The following HECW2 variants were observed in gnomAD, a reference collection of about 807,000 sequenced individuals.
The protein encoded by HECW2 is HECT, C2 and WW domain containing E3 ubiquitin protein ligase 2.
HECW2 carries 61 observed loss-of-function variants against 175.2 expected under a neutral mutation model. The ratio of observed to expected loss-of-function variants is 0.35; its 90% CI spans 0.28 to 0.43. The LOEUF (loss-of-function observed/expected upper bound fraction) is 0.43, where lower values mean the gene tolerates loss of function less well. Ranked by LOEUF, HECW2 falls within the 20% of genes least tolerant of loss-of-function variation. The pLI, the probability that HECW2 is intolerant of heterozygous loss-of-function variation, is 1.00. For missense variants in HECW2, 1,524 were observed against 2,000.5 expected, an observed-to-expected ratio of 0.76 and a Z score of 4.54; for synonymous variants, 671 against 731.0, an observed-to-expected ratio of 0.92 and a Z score of 1.32.
At chr2:196,472,381 G>A (rs983127922) in intron 1 of HECW2, among the ~76,000 whole-genome samples, 6 of 150,898 alleles carry the variant, frequency 4.0e-5, no homozygotes, top group Non-Finnish European at 4.4e-5. Context: ...CCAGCTACTC[G>A]AGAGGCTGAG....
At chr2:196,413,235 G>C (rs1695163889) in intron 2 of HECW2, among the ~76,000 whole-genome samples, 1 of 152,174 alleles carries the variant, frequency 6.6e-6, no homozygotes, top group Admixed American at 6.5e-5. Flanking sequence ...ACTGCCTGCA[G>C]TCCCAGCCAC....
chr2:196,560,575 T>C (rs1689963424), intron 1 of HECW2, among the ~76,000 whole-genome samples: 1 of 152,214 alleles, frequency 6.6e-6, no homozygotes, highest in African/African-American at 2.4e-5. Flanking sequence ...ATATATATTT[T>C]ACCAGTTCAG....
At chr2:196,428,205 ATC>A (rs1287131026) in intron 2 of HECW2, among the ~76,000 whole-genome samples, 3 of 152,202 alleles carry the variant, frequency 2.0e-5, no homozygotes, top group Non-Finnish European at 4.4e-5. Flanking sequence ...TATAGAGACC[ATC>A]TCTCTGTTCC....
chr2:196,376,997 G>C (rs1307511679), intron 2 of HECW2, among the ~76,000 whole-genome samples: 1 of 151,964 alleles, frequency 6.6e-6, no homozygotes, highest in Non-Finnish European at 1.5e-5. Flanking sequence ...CATTCCTTGG[G>C]GGAAAAAACA....
In HECW2 at chr2:196,199,802, G is replaced by T. The variant is rs948733802; in HGVS notation, c.*1475C>A. 1 of 152,108 alleles carries T rather than the reference G, an allele frequency of 6.6e-6. No homozygotes were observed. The highest frequency in any genetic ancestry group is 1.5e-5 in the Non-Finnish European group (1 of 68,004). 9.4% of individuals were successfully genotyped at this position (152,108 alleles called of 1,614,324 possible). On this transcript the variant is annotated 3_prime_UTR_variant, in exon 29 of 29. Transcript: ENST00000644978. ...TACCTTCTCATAAAATTAAGCAGAA[G>T]TAAGACTAGTGATGTCATGCAGTTT...
chr2:196,246,530 G>A (rs550166682), intron 19 of HECW2, among the ~76,000 whole-genome samples: 13 of 151,846 alleles, frequency 8.6e-5, no homozygotes, highest in South Asian at 2.1e-4. Context: ...GACTACAGGC[G>A]TCTGCCACCA....
At chr2:196,377,479 T>C (rs1694083098) in intron 2 of HECW2, among the ~76,000 whole-genome samples, 1 of 152,160 alleles carries the variant, frequency 6.6e-6, no homozygotes, top group East Asian at 1.9e-4. Flanking sequence ...TCTTACATGG[T>C]AGCAGGCAAG....
chr2:196,272,990 AT>A (rs778660225), intron 16 of HECW2, among the ~76,000 whole-genome samples: 15 of 144,620 alleles, frequency 1.0e-4, no homozygotes, highest in Admixed American at 1.4e-4. Flanking sequence ...ATTTCATGAC[AT>A]TTTTTTTTTA....
intron 2 of HECW2, among the ~76,000 whole-genome samples, chr2:196,416,026 T>G (rs1204407236): frequency 6.6e-6 from 1 of 152,254 alleles, no homozygotes; most frequent in Non-Finnish European, 1.5e-5. Flanking sequence ...TATTTGAATT[T>G]TATTTCTTCG....
rs1440630211 is a variant in HECW2 at position 196,535,057 on chromosome 2, A to C, written c.-36+58451T>G. Among the ~76,000 whole-genome samples the C allele has an allele frequency of 2.0e-5, 3 of 152,234 alleles. No homozygotes were observed. In the East Asian group the frequency reaches 5.8e-4, roughly 29 times the overall value. Reference sequence around the variant, plus strand: ...AACAAATTGTCAATATAACAAAAAAAAAAAAACAAAAAACCCACTCTCCTT... The same window carrying C: ...AACAAATTGTCAATATAACAAAAAACAAAAAACAAAAAACCCACTCTCCTT... On this transcript the variant is annotated intron_variant, in intron 1 of 28. Coordinates refer to ENST00000644978, the MANE Select transcript of HECW2 (RefSeq NM_001348768.2).
intron 13 of HECW2, among the ~76,000 whole-genome samples, chr2:196,304,984 T>G (rs948542431): frequency 6.6e-6 from 1 of 152,250 alleles, no homozygotes; most frequent in Non-Finnish European, 1.5e-5. Context: ...ATCTTGTTTC[T>G]GGGACAAGCT....
At chr2:196,398,613 C>T (rs17831149) in intron 2 of HECW2, among the ~76,000 whole-genome samples, 9,363 of 152,248 alleles carry the variant, frequency 0.061, 389 homozygotes, top group South Asian at 0.099. Flanking sequence ...CTCTGGCTTT[C>T]GGTCCAAGGT....
At chr2:196,398,942 T>C (rs1694743750) in intron 2 of HECW2, among the ~76,000 whole-genome samples, 1 of 152,148 alleles carries the variant, frequency 6.6e-6, no homozygotes. Flanking sequence ...ATTTCACCAC[T>C]GCACTCCAGC....
chr2:196,223,691 A>G (rs990656374), intron 23 of HECW2, among the ~76,000 whole-genome samples: 5 of 152,208 alleles, frequency 3.3e-5, no homozygotes, highest in Non-Finnish European at 7.3e-5. Flanking sequence ...AATGTGAATT[A>G]TAAACAGCTC....
chr2:196,488,878 T>C (rs1420839496), intron 1 of HECW2, among the ~76,000 whole-genome samples: 1 of 152,120 alleles, frequency 6.6e-6, no homozygotes, highest in African/African-American at 2.4e-5. Context: ...AGCACAAAAC[T>C]CAGTGCCTAC....
At chr2:196,571,509 G>C (rs1372039658) in intron 1 of HECW2, among the ~76,000 whole-genome samples, 1 of 152,104 alleles carries the variant, frequency 6.6e-6, no homozygotes, top group South Asian at 2.1e-4. Context: ...AGGAGTTTGA[G>C]ACCAGCCTGG....
chr2:196,362,778 A>G (rs550752604), intron 2 of HECW2, among the ~76,000 whole-genome samples: 1 of 152,258 alleles, frequency 6.6e-6, no homozygotes, highest in South Asian at 2.1e-4. Context: ...CAGATCCACC[A>G]TTCTTTAATG....
intron 1 of HECW2, among the ~76,000 whole-genome samples, chr2:196,482,055 T>C (rs1686860047): frequency 6.6e-6 from 1 of 152,180 alleles, no homozygotes. Flanking sequence ...CTGAAAAAAA[T>C]AGGATGAAAG....
At chr2:196,284,476 G>C (rs1268872910) in intron 14 of HECW2, among the ~76,000 whole-genome samples, 1 of 152,216 alleles carries the variant, frequency 6.6e-6, no homozygotes, top group Non-Finnish European at 1.5e-5. Context: ...CAATCCCTTG[G>C]TGTGAGTTTT....
Sources: gnomAD v4.1 joint callset for allele counts (sites outside exome capture counted in the v4.1 genomes callset) on GRCh38, gnomAD v4.1.1 for gene constraint, MANE v1.5 for transcripts, NCBI Gene and HGNC (gene_info 2026-07-23, HGNC 2026-07-21) for gene names.